RFX3: variants seen among roughly 807,000 people sequenced by gnomAD.
The protein encoded by RFX3 is transcription factor RFX3.
Under a neutral mutation model 98.6 loss-of-function variants are expected in RFX3, and 14 were observed. The ratio of observed to expected loss-of-function variants is 0.14; its 90% CI spans 0.09 to 0.22. RFX3 has a LOEUF of 0.22. Among genes scored for constraint, RFX3 ranks in the 10% least tolerant of loss-of-function variants. RFX3 has a pLI of 1.00. For missense variants in RFX3, 639 were observed against 926.9 expected (o/e 0.69, Z 4.03); for synonymous variants, 383 against 328.4 (o/e 1.17, Z -1.80).
intron 16 of RFX3, among the ~76,000 whole-genome samples, chr9:3,225,621 T>TA (rs1430055492): frequency 1.3e-5 from 2 of 152,198 alleles, no homozygotes; most frequent in Non-Finnish European, 2.9e-5. Flanking sequence ...GTCACTTTGG[T>TA]ATGTTATGCT....
At chr9:3,423,828 A>T (rs1374968303) in intron 1 of RFX3, among the ~76,000 whole-genome samples, 1 of 138,246 alleles carries the variant, frequency 7.2e-6, no homozygotes, top group East Asian at 2.4e-4. Context: ...GGTAATTTTT[A>T]AAAAGAACAA....
intron 1 of RFX3, among the ~76,000 whole-genome samples, chr9:3,470,562 C>T (rs1435891892): frequency 6.6e-6 from 1 of 151,760 alleles, no homozygotes; most frequent in Non-Finnish European, 1.5e-5. Flanking sequence ...CTCCTGACCT[C>T]GTGATCCGCC....
At chr9:3,308,981 G>C (rs1829652002) in intron 4 of RFX3, among the ~76,000 whole-genome samples, 1 of 152,106 alleles carries the variant, frequency 6.6e-6, no homozygotes, top group Admixed American at 6.6e-5. Flanking sequence ...TAAGCCTGGA[G>C]AGCTAGAGAC....
At chr9:3,396,116 G>T (rs1015435319) in intron 1 of RFX3, among the ~76,000 whole-genome samples, 3 of 151,572 alleles carry the variant, frequency 2.0e-5, no homozygotes, top group Admixed American at 2.0e-4. Context: ...GTATACGTGT[G>T]CCATGTTGGT....
intron 1 of RFX3, among the ~76,000 whole-genome samples, chr9:3,494,728 G>A (rs1464391871): frequency 1.3e-5 from 2 of 151,888 alleles, no homozygotes; most frequent in African/African-American, 2.4e-5. Flanking sequence ...GATAACTATG[G>A]AACTGGTGTA....
chr9:3,515,303 G>C (rs1818045702), intron 1 of RFX3, among the ~76,000 whole-genome samples: 1 of 152,040 alleles, frequency 6.6e-6, no homozygotes, highest in Admixed American at 6.6e-5. Context: ...CTAATGGATA[G>C]ATATATACAG....
chr9:3,353,866 T>G (rs548616469), intron 2 of RFX3, among the ~76,000 whole-genome samples: 2 of 151,978 alleles, frequency 1.3e-5, no homozygotes, highest in African/African-American at 4.8e-5. Flanking sequence ...AAACAGACCT[T>G]GAAATGATAG....
chr9:3,512,014 T>C (rs1259117216), intron 1 of RFX3, among the ~76,000 whole-genome samples: 2 of 152,134 alleles, frequency 1.3e-5, no homozygotes, highest in Admixed American at 6.5e-5. Context: ...CCATTTACTC[T>C]TACGTGACTA....
chr9:3,401,629 G>C (rs1362610069), intron 1 of RFX3, among the ~76,000 whole-genome samples: 2 of 152,206 alleles, frequency 1.3e-5, no homozygotes, highest in East Asian at 3.8e-4. Flanking sequence ...ATATGTAAAT[G>C]AGTTGTATAT....
intron 2 of RFX3, among the ~76,000 whole-genome samples, chr9:3,393,041 C>T (rs1033639343): frequency 2.6e-4 from 1 of 3,874 alleles, no homozygotes; most frequent in Non-Finnish European, 4.9e-4. Context: ...ACATAAGGGA[C>T]AGGAAGGGTG....
intron 2 of RFX3, among the ~76,000 whole-genome samples, chr9:3,393,919 C>T (rs1029152689): frequency 6.6e-6 from 1 of 152,104 alleles, no homozygotes; most frequent in African/African-American, 2.4e-5. Flanking sequence ...GAAGCCCAAA[C>T]CCCACCATTA....
chr9:3,391,007 T>C (rs1840257954), intron 2 of RFX3, among the ~76,000 whole-genome samples: 1 of 152,162 alleles, frequency 6.6e-6, no homozygotes, highest in East Asian at 1.9e-4. Flanking sequence ...AAATTAGCTA[T>C]AAACTTTCTC....
chr9:3,414,002 G>A (rs1186364816), intron 1 of RFX3, among the ~76,000 whole-genome samples: 1 of 151,946 alleles, frequency 6.6e-6, no homozygotes, highest in Non-Finnish European at 1.5e-5. Context: ...AATTTTAAAA[G>A]CTGCTATTTA....
chr9:3,280,720 G>A (rs934808022), intron 7 of RFX3, among the ~76,000 whole-genome samples: 6 of 151,630 alleles, frequency 4.0e-5, no homozygotes, highest in African/African-American at 1.5e-4. Flanking sequence ...AAATTCAGGT[G>A]CCTAGGCTCA....
intron 5 of RFX3, among the ~76,000 whole-genome samples, chr9:3,294,337 G>C (rs775409896): frequency 2.0e-5 from 3 of 152,028 alleles, no homozygotes; most frequent in Non-Finnish European, 2.9e-5. Context: ...TGTAAGACAG[G>C]TGTAATAAAG....
chr9:3,356,500 A>G (rs1450660514), intron 2 of RFX3, among the ~76,000 whole-genome samples: 1 of 151,896 alleles, frequency 6.6e-6, no homozygotes, highest in East Asian at 1.9e-4. Context: ...ATTCCCGCAG[A>G]GGAAACTCCA....
At position 3,389,353 on chromosome 9, in the gene RFX3, A is replaced by C. The variant is rs537916624; in HGVS notation, c.117+6119T>G. On this transcript the variant is annotated intron_variant, in intron 2 of 16. Coordinates refer to ENST00000617270, the MANE Select transcript of RFX3 (RefSeq NM_001282116.2). ...TGAGGAGAAGGAGCAATCCATTTCT[A>C]GTCATATTCTATAGAGACCCATTGG... is the stretch of plus-strand genomic sequence containing the variant. 1.2e-4 allele frequency among the ~76,000 whole-genome samples: 18 copies of C among 152,282 alleles called. No individual in the cohort carries two copies. The South Asian group carries it at 3.5e-3, about 30-fold the overall frequency.
intron 3 of RFX3, among the ~76,000 whole-genome samples, chr9:3,339,150 A>G (rs1458565361): frequency 6.6e-6 from 1 of 152,046 alleles, no homozygotes; most frequent in African/African-American, 2.4e-5. Flanking sequence ...CCCAAAGTCT[A>G]CTGTTATAAA....
At chr9:3,480,838 G>A (rs1165704932) in intron 1 of RFX3, among the ~76,000 whole-genome samples, 1 of 140,344 alleles carries the variant, frequency 7.1e-6, no homozygotes, top group Non-Finnish European at 1.5e-5. Context: ...ATAAATAAGA[G>A]CTTTGAAAGC....
Sources: allele counts gnomAD v4.1 joint callset (sites outside exome capture counted in the v4.1 genomes callset), GRCh38; gene constraint gnomAD v4.1.1; transcripts MANE v1.5; gene names NCBI Gene and HGNC (gene_info 2026-07-23, HGNC 2026-07-21).